PDE4B: variants seen among roughly 807,000 people sequenced by gnomAD.
PDE4B encodes the protein phosphodiesterase 4B, also known as 3',5'-cyclic-AMP phosphodiesterase 4B.
PDE4B carries 20 observed loss-of-function variants against 82.2 expected under a neutral mutation model. The ratio of observed to expected loss-of-function variants is 0.24; its 90% CI spans 0.17 to 0.35. The LOEUF is 0.35. Among genes scored for constraint, PDE4B ranks in the 10% least tolerant of loss-of-function variants. PDE4B has a pLI of 1.00. For missense variants in PDE4B, 655 were observed against 907.2 expected (o/e 0.72, Z 3.57); for synonymous variants, 320 against 318.9 (o/e 1.00, Z -0.04).
chr1:66,163,133 C>T (rs953870600), intron 3 of PDE4B, among the ~76,000 whole-genome samples: 13 of 152,150 alleles, frequency 8.5e-5, no homozygotes, highest in Non-Finnish European at 1.9e-4. Context: ...TTACTAGCTA[C>T]AGTAATCTAA....
At chr1:66,083,234 G>C (rs74784764) in intron 3 of PDE4B, among the ~76,000 whole-genome samples, 1 of 151,952 alleles carries the variant, frequency 6.6e-6, no homozygotes, top group South Asian at 2.1e-4. Flanking sequence ...TAAATAGCTC[G>C]CTTGTGCCTC....
Position 66,365,537 on chromosome 1 carries a change from A to G in PDE4B, c.1285-130A>G, listed in dbSNP as rs1256703943. 7 of 561,244 alleles carry G rather than the reference A, an allele frequency of 1.2e-5. No individual in the cohort carries two copies. In the Middle Eastern group the frequency reaches 8.0e-4, roughly 64 times the overall value. 34.8% of individuals were successfully genotyped at this position (561,244 alleles called of 1,614,324 possible). A position where few individuals can be genotyped will look rare whatever the true frequency, so the allele number is the denominator to read the frequency against. On this transcript the variant is annotated intron_variant, in intron 12 of 16. Transcript: ENST00000341517. The stretch of plus-strand genomic sequence containing the variant: ...AGAATCTACATTTACTTAAATTAGT[A>G]TATTGAGATATTACATAAATCAACA...
intron 1 of PDE4B, among the ~76,000 whole-genome samples, chr1:65,845,765 C>A (rs2101365302): frequency 6.6e-6 from 1 of 152,170 alleles, no homozygotes; most frequent in East Asian, 1.9e-4. Flanking sequence ...ACCCCTGCAC[C>A]CTTTATCTTT....
intron 3 of PDE4B, among the ~76,000 whole-genome samples, chr1:65,995,740 G>C (rs1040945886): frequency 6.6e-6 from 1 of 152,270 alleles, no homozygotes; most frequent in African/African-American, 2.4e-5. Context: ...TCCAAACCAT[G>C]CACTTAAGTT....
In PDE4B at chr1:65,793,062, C is replaced by T. The variant is rs1645590096; in HGVS notation, c.-257C>T. The stretch of plus-strand genomic sequence containing the variant: ...CGGCTGCAGGCTCTTCGTCGCGGGC[C>T]GGGCTGCACGCGAGCGCCCTCCGGG... On this transcript the variant is annotated 5_prime_UTR_variant, in exon 1 of 17. Coordinates refer to ENST00000341517, the MANE Select transcript of PDE4B (RefSeq NM_002600.4). 2 of 151,880 alleles carry T rather than the reference C, an allele frequency of 1.3e-5. No individual in the cohort carries two copies. The highest frequency in any genetic ancestry group is 6.6e-5 in the Admixed American group (1 of 15,260). 9.4% of individuals were successfully genotyped at this position (151,880 alleles called of 1,614,324 possible). A position where few individuals can be genotyped will look rare whatever the true frequency, so the allele number is the denominator to read the frequency against.
intron 3 of PDE4B, among the ~76,000 whole-genome samples, chr1:66,031,096 A>G (rs1364996779): frequency 1.3e-5 from 2 of 152,334 alleles, no homozygotes; most frequent in African/African-American, 2.4e-5. Context: ...CTGCATGTAT[A>G]TCCTTTAATC....
intron 3 of PDE4B, among the ~76,000 whole-genome samples, chr1:66,069,314 T>G (rs1490462143): frequency 6.6e-6 from 1 of 152,042 alleles, no homozygotes; most frequent in Non-Finnish European, 1.5e-5. Context: ...TTTATGCCAC[T>G]CATAAAGCTT....
At chr1:65,891,663 T>C (rs186910534) in intron 1 of PDE4B, among the ~76,000 whole-genome samples, 1 of 152,180 alleles carries the variant, frequency 6.6e-6, no homozygotes, top group Admixed American at 6.6e-5. Flanking sequence ...ATTTCATTTG[T>C]TTGATATTTC....
chr1:66,371,040 T>G (rs1469160073), intron 16 of PDE4B, among the ~76,000 whole-genome samples: 1 of 134,732 alleles, frequency 7.4e-6, no homozygotes, highest in African/African-American at 2.9e-5. Flanking sequence ...ATATCATACA[T>G]ATATATATAC....
intron 3 of PDE4B, among the ~76,000 whole-genome samples, chr1:66,165,993 T>A (rs1481521278): frequency 1.3e-5 from 2 of 152,026 alleles, no homozygotes; most frequent in African/African-American, 2.4e-5. Context: ...CTTTCCAATT[T>A]AAAAATTTAC....
chr1:65,968,635 C>T (rs890354658), intron 3 of PDE4B, among the ~76,000 whole-genome samples: 2 of 152,102 alleles, frequency 1.3e-5, no homozygotes, highest in African/African-American at 4.8e-5. Context: ...TCCTAAATTG[C>T]ATTTCCTTGT....
intron 3 of PDE4B, among the ~76,000 whole-genome samples, chr1:65,929,771 G>A (rs1450209428): frequency 6.6e-6 from 1 of 152,174 alleles, no homozygotes; most frequent in Non-Finnish European, 1.5e-5. Flanking sequence ...CTCATGAGTG[G>A]TGAATTGGGA....
At chr1:65,992,206 C>G (rs1651280444) in intron 3 of PDE4B, among the ~76,000 whole-genome samples, 1 of 152,086 alleles carries the variant, frequency 6.6e-6, no homozygotes. Context: ...TTTTAGCTAG[C>G]TTTTTTTGAC....
At chr1:65,897,578 G>A (rs72685047) in intron 1 of PDE4B, among the ~76,000 whole-genome samples, 18 of 152,128 alleles carry the variant, frequency 1.2e-4, no homozygotes, top group South Asian at 4.1e-4. Flanking sequence ...AAGTGAGAGC[G>A]TGTGTATTTG....
chr1:65,841,496 C>T (rs1202057429), intron 1 of PDE4B, among the ~76,000 whole-genome samples: 5 of 151,944 alleles, frequency 3.3e-5, no homozygotes, highest in African/African-American at 1.2e-4. Flanking sequence ...GGGAAGCAGC[C>T]TACTGTCCTC....
intron 3 of PDE4B, among the ~76,000 whole-genome samples, chr1:66,030,687 T>G (rs1653724141): frequency 6.6e-6 from 1 of 152,120 alleles, no homozygotes; most frequent in Admixed American, 6.5e-5. Context: ...CTATTCACAA[T>G]AGCAAAGACA....
chr1:65,866,813 G>T (rs1646516930), intron 1 of PDE4B, among the ~76,000 whole-genome samples: 1 of 152,182 alleles, frequency 6.6e-6, no homozygotes, highest in East Asian at 1.9e-4. Flanking sequence ...ATTGATTAGA[G>T]AGACTTCCAG....
intron 3 of PDE4B, among the ~76,000 whole-genome samples, chr1:66,187,763 G>A (rs1040625300): frequency 1.3e-5 from 2 of 151,606 alleles, no homozygotes; most frequent in Non-Finnish European, 2.9e-5. Flanking sequence ...TATCAATTTT[G>A]TTGATCCTTT....
chr1:66,132,576 C>G (rs986855293), intron 3 of PDE4B, among the ~76,000 whole-genome samples: 45 of 152,068 alleles, frequency 3.0e-4, no homozygotes, highest in African/African-American at 1.0e-3. Flanking sequence ...AAACTCTGAC[C>G]CTTCTTAAAG....
Sources: gnomAD v4.1 joint callset for allele counts (sites outside exome capture counted in the v4.1 genomes callset) on GRCh38, gnomAD v4.1.1 for gene constraint, MANE v1.5 for transcripts, NCBI Gene and HGNC (gene_info 2026-07-23, HGNC 2026-07-21) for gene names.